Variants in ADK observed in about 807,000 individuals in gnomAD.
The protein encoded by ADK is N6,N6-dimethyladenosine kinase.
Under a neutral mutation model 44.7 loss-of-function variants are expected in ADK, and 24 were observed. That is an observed-to-expected ratio of 0.54 (90% CI 0.39 to 0.76). The LOEUF is 0.76. Among genes scored for constraint, ADK ranks in the 30% least tolerant of loss-of-function variants. The probability of loss-of-function intolerance (pLI) is 0.00; values close to 1 mark genes in which losing one functional copy is unlikely to be tolerated. For synonymous variants in ADK, 128 were observed against 142.6 expected (o/e 0.90, Z 0.73); for missense variants, 321 against 425.1 (o/e 0.76, Z 2.15).
chr10:74,341,284 G>A (rs75140991), intron 4 of ADK, among the ~76,000 whole-genome samples: 2,944 of 151,912 alleles, frequency 0.019, 76 homozygotes, highest in African/African-American at 0.058. Context: ...AATTAGGGAG[G>A]CCCAGGCAGG....
intron 2 of ADK, among the ~76,000 whole-genome samples, chr10:74,202,404 A>G (rs1003241557): frequency 2.0e-5 from 3 of 152,150 alleles, no homozygotes; most frequent in Admixed American, 6.6e-5. Context: ...GTCTATTAGG[A>G]ACAATGCTTC....
chr10:74,458,757 C>T (rs933341040), intron 6 of ADK, among the ~76,000 whole-genome samples: 4 of 152,044 alleles, frequency 2.6e-5, no homozygotes, highest in East Asian at 1.9e-4. Context: ...TTTTCTATGC[C>T]GTTTCTTTCT....
At chr10:74,490,531 C>T (rs1847438591) in intron 6 of ADK, among the ~76,000 whole-genome samples, 1 of 152,004 alleles carries the variant, frequency 6.6e-6, no homozygotes, top group Non-Finnish European at 1.5e-5. Flanking sequence ...AATAAGTTGC[C>T]ACAATTAGAA....
intron 4 of ADK, among the ~76,000 whole-genome samples, chr10:74,336,679 G>A (rs1382824106): frequency 6.6e-6 from 1 of 152,146 alleles, no homozygotes; most frequent in Admixed American, 6.5e-5. Flanking sequence ...GTGCCCATAA[G>A]GGATTGGTTC....
intron 6 of ADK, among the ~76,000 whole-genome samples, chr10:74,501,796 T>C (rs1386250257): frequency 6.6e-6 from 1 of 152,158 alleles, no homozygotes; most frequent in Non-Finnish European, 1.5e-5. Flanking sequence ...GTATCCATAA[T>C]AGGTAAATCC....
At position 74,670,245 on chromosome 10, in the gene ADK, G is replaced by T. The variant is rs1331592559; in HGVS notation, c.940G>T (p.Gly314Ter). The change falls in exon 10 of 11, where the codon GGA (glycine) becomes TGA (stop). Residue 314 changes from glycine to a stop codon, truncating the protein, a stop_gained. Coordinates refer to ENST00000539909, the MANE Select transcript of ADK (RefSeq NM_006721.4). LOFTEE classifies it high-confidence loss of function. Reference sequence around the variant, plus strand: ...CCAGAAAGAAATTATTGATACCAATGGAGCTGGAGATGCATTTGTTGGAGG... The same window carrying T: ...CCAGAAAGAAATTATTGATACCAATTGAGCTGGAGATGCATTTGTTGGAGG... ...QDQKEIIDTN[G>*]AGDAFVGGFL... 6.2e-7 allele frequency: 1 copy of T among 1,613,824 alleles called. No individual in the cohort carries two copies. Among genetic ancestry groups the T allele is most frequent in the East Asian group, 2.2e-5 (1 of 44,828 alleles).
At chr10:74,162,019 G>T (rs1428093713) in intron 1 of ADK, among the ~76,000 whole-genome samples, 3 of 151,866 alleles carry the variant, frequency 2.0e-5, no homozygotes, top group African/African-American at 7.3e-5. Flanking sequence ...ACCCTTTAAA[G>T]ATTTTTTTGT....
At chr10:74,310,150 C>T (rs767348345) in intron 3 of ADK, among the ~76,000 whole-genome samples, 4 of 151,924 alleles carry the variant, frequency 2.6e-5, no homozygotes, top group Non-Finnish European at 4.4e-5. Context: ...ATGGCCACCC[C>T]GTTCAGACAA....
At chr10:74,538,254 A>C (rs528978370) in intron 7 of ADK, among the ~76,000 whole-genome samples, 1 of 147,462 alleles carries the variant, frequency 6.8e-6, no homozygotes, top group African/African-American at 2.6e-5. Flanking sequence ...ACTCCGTCTC[A>C]CAAAAAAAAA....
intron 6 of ADK, among the ~76,000 whole-genome samples, chr10:74,483,314 G>T (rs932461969): frequency 1.3e-5 from 2 of 152,190 alleles, no homozygotes; most frequent in African/African-American, 4.8e-5. Flanking sequence ...TGGCTGGGAC[G>T]CAGGGAGCAG....
At chr10:74,255,967 C>T (rs1030858018) in intron 3 of ADK, among the ~76,000 whole-genome samples, 5 of 152,072 alleles carry the variant, frequency 3.3e-5, no homozygotes, top group African/African-American at 1.2e-4. Flanking sequence ...GGGTAGTCAA[C>T]GAACAGTCAC....
intron 4 of ADK, among the ~76,000 whole-genome samples, chr10:74,316,196 T>A (rs1344023369): frequency 6.6e-6 from 1 of 151,022 alleles, no homozygotes; most frequent in Non-Finnish European, 1.5e-5. Flanking sequence ...GCTGAGATCA[T>A]GCCACTGCAC....
At chr10:74,581,055 C>T (rs902731306) in intron 7 of ADK, among the ~76,000 whole-genome samples, 54 of 144,024 alleles carry the variant, frequency 3.7e-4, no homozygotes, top group African/African-American at 1.3e-3. Flanking sequence ...CACACACACA[C>T]GTATATATAA....
chr10:74,191,968 G>A (rs1378933645), intron 1 of ADK, among the ~76,000 whole-genome samples: 1 of 152,110 alleles, frequency 6.6e-6, no homozygotes, highest in East Asian at 1.9e-4. Context: ...GGCAACTACT[G>A]ATCTGATTTC....
intron 5 of ADK, among the ~76,000 whole-genome samples, chr10:74,396,673 GT>G (rs1196773865): frequency 2.6e-5 from 4 of 151,976 alleles, no homozygotes. Flanking sequence ...TATTTTTCTG[GT>G]CGGGCATGGC....
At chr10:74,600,679 A>G (rs1300937841) in intron 9 of ADK, among the ~76,000 whole-genome samples, 186 bp downstream of exon 9, 2 of 151,820 alleles carry the variant, frequency 1.3e-5, no homozygotes, top group Admixed American at 1.3e-4. Context: ...GTTCAAGAAG[A>G]TAGTTTATTA....
intron 2 of ADK, among the ~76,000 whole-genome samples, chr10:74,211,344 T>C (rs1843805411): frequency 6.6e-6 from 1 of 152,222 alleles, no homozygotes; most frequent in Non-Finnish European, 1.5e-5. Context: ...TACCAACAAA[T>C]TTTCTTATCC....
chr10:74,272,061 T>C (rs532494754), intron 3 of ADK, among the ~76,000 whole-genome samples: 3 of 152,124 alleles, frequency 2.0e-5, no homozygotes, highest in Non-Finnish European at 4.4e-5. Context: ...CTGTCTTTAA[T>C]GTGACTGAGT....
At chr10:74,444,091 A>G (rs547594130) in intron 6 of ADK, among the ~76,000 whole-genome samples, 3 of 152,104 alleles carry the variant, frequency 2.0e-5, no homozygotes, top group African/African-American at 4.8e-5. Context: ...CAACTGGCCT[A>G]CCTGTTCAGA....
Sources: gnomAD v4.1 joint callset for allele counts (sites outside exome capture counted in the v4.1 genomes callset) on GRCh38, gnomAD v4.1.1 for gene constraint, MANE v1.5 for transcripts, NCBI Gene and HGNC (gene_info 2026-07-23, HGNC 2026-07-21) for gene names.